PYROXD1: variants seen among roughly 807,000 people sequenced by gnomAD.
PYROXD1 encodes tRNA ligase complex-associated NAD(P)H dehydrogenase PYROXD1.
A neutral mutation model predicts 62.0 loss-of-function variants in PYROXD1; 42 were observed. The ratio of observed to expected loss-of-function variants is 0.68; its 90% CI spans 0.53 to 0.88. PYROXD1 has a LOEUF of 0.88. Ranked by LOEUF, PYROXD1 falls within the 40% of genes least tolerant of loss-of-function variation. The pLI is 0.00. For missense variants in PYROXD1, 493 were observed against 604.8 expected (o/e 0.82, Z 1.94); for synonymous variants, 170 against 206.4 (o/e 0.82, Z 1.51).
At chr12:21,463,373 A>T (rs947168804) in intron 10 of PYROXD1, among the ~76,000 whole-genome samples, 2 of 152,144 alleles carry the variant, frequency 1.3e-5, no homozygotes, top group Non-Finnish European at 2.9e-5. Flanking sequence ...TTATGATCCT[A>T]TTCTGTCCCT....
intron 2 of PYROXD1, 111 bp downstream of exon 2, chr12:21,440,559 G>A: frequency 1.6e-6 from 1 of 620,298 alleles, no homozygotes; most frequent in Non-Finnish European, 2.9e-6. Context: ...GACAAGTACA[G>A]TTATATGCTG....
At chr12:21,453,975 A>G (rs1942549782) in intron 5 of PYROXD1, among the ~76,000 whole-genome samples, 1 of 151,996 alleles carries the variant, frequency 6.6e-6, no homozygotes, top group Admixed American at 6.6e-5. Context: ...GTAATGCTAT[A>G]TGACCAGAGT....
chr12:21,468,344 G>A (rs1242120167), intron 11 of PYROXD1, among the ~76,000 whole-genome samples, 162 bp from the exon 12 acceptor site: 3 of 152,050 alleles, frequency 2.0e-5, no homozygotes, highest in Non-Finnish European at 4.4e-5. Context: ...ATTAACGCAT[G>A]CTGTTGAAAC....
intron 7 of PYROXD1, among the ~76,000 whole-genome samples, chr12:21,457,506 G>T (rs1455945845): frequency 2.0e-5 from 3 of 151,040 alleles, no homozygotes; most frequent in African/African-American, 7.3e-5. Flanking sequence ...GTAAACAGAT[G>T]TGCTGTGTAT....
chr12:21,468,514 G>T lies in PYROXD1; in HGVS notation c.1263G>T (p.Leu421=). The change falls in exon 12 of 12, where the codon CTG becomes CTT. Residue 421 remains leucine, a synonymous_variant. Coordinates refer to ENST00000240651, the MANE Select transcript of PYROXD1 (RefSeq NM_024854.5). ...TTTATCTCTAAATATAGGTTGTACT[G>T]CTGGGAAAATACAATGCACAGGGCT... ...VTKFFNYKVV[L]LGKYNAQGLG... is the part of the protein sequence containing the mutation. The T allele has an allele frequency of 6.2e-7, 1 of 1,611,670 alleles. No homozygotes were observed. Among genetic ancestry groups the T allele is most frequent in the Non-Finnish European group, 8.5e-7 (1 of 1,178,332 alleles).
intron 1 of PYROXD1, among the ~76,000 whole-genome samples, chr12:21,439,342 A>G (rs1242935809): frequency 6.6e-6 from 1 of 152,248 alleles, no homozygotes; most frequent in Non-Finnish European, 1.5e-5. Context: ...AGTAGTATAA[A>G]GAAGTTTTGA....
rs1190315058 is a variant in PYROXD1 at position 21,471,168 on chromosome 12, A to G, written c.*2414A>G. On this transcript the variant is annotated 3_prime_UTR_variant, in exon 12 of 12. Coordinates refer to ENST00000240651, the MANE Select transcript of PYROXD1 (RefSeq NM_024854.5). ...CACGGAAAACAAATTTATAAAAGAA[A>G]TAACTATATGCGCAGTAATTCTTAA... The G allele has an allele frequency of 1.4e-6, 2 of 1,399,228 alleles. No homozygotes were observed. The highest frequency in any genetic ancestry group is 1.5e-5 in the African/African-American group (1 of 67,288). 86.7% of individuals were successfully genotyped at this position (1,399,228 alleles called of 1,614,324 possible). A position where few individuals can be genotyped will look rare whatever the true frequency, so the allele number is the denominator to read the frequency against.
chr12:21,439,684 A>G (rs1356095578), intron 1 of PYROXD1, among the ~76,000 whole-genome samples: 9 of 152,204 alleles, frequency 5.9e-5, no homozygotes, highest in Admixed American at 5.9e-4. Flanking sequence ...TGGAGTAGGA[A>G]TAGAAGCCAG....
chr12:21,444,085 A>G (rs1942344192), intron 2 of PYROXD1, among the ~76,000 whole-genome samples: 1 of 152,136 alleles, frequency 6.6e-6, no homozygotes, highest in Non-Finnish European at 1.5e-5. Flanking sequence ...CCGGTTTTGT[A>G]AGTTATATAC....
chr12:21,452,191 T>C, intron 5 of PYROXD1, 37 bp downstream of exon 5: 5 of 1,248,988 alleles, frequency 4.0e-6, no homozygotes, highest in Non-Finnish European at 5.3e-6. Context: ...ACATTTAAAT[T>C]GTTTAAAAAT....
rs527305197 is a variant in PYROXD1 at position 21,469,350 on chromosome 12, T to C, written c.*596T>C. ...GCCCAACACAAATCTGTAAACTTTCTTAAAACATGAGATTTTTCTTGCAAT... is the reference window on the plus strand; with the variant it reads ...GCCCAACACAAATCTGTAAACTTTCCTAAAACATGAGATTTTTCTTGCAAT... On this transcript the variant is annotated 3_prime_UTR_variant, in exon 12 of 12. Coordinates refer to ENST00000240651, the MANE Select transcript of PYROXD1 (RefSeq NM_024854.5). 6.6e-6 allele frequency: 1 copy of C among 152,246 alleles called. No homozygotes were observed. The highest frequency in any genetic ancestry group is 6.6e-5 in the Admixed American group (1 of 15,244). 9.4% of individuals were successfully genotyped at this position (152,246 alleles called of 1,614,324 possible).
At chr12:21,452,397 A>G (rs924884816) in intron 5 of PYROXD1, among the ~76,000 whole-genome samples, 1 of 151,952 alleles carries the variant, frequency 6.6e-6, no homozygotes, top group African/African-American at 2.4e-5. Context: ...ATGTTTTGGG[A>G]ATGCTTTAGG....
In PYROXD1 at chr12:21,468,920, ATCAGT is replaced by A; in HGVS notation, c.*170_*174del. The A allele has an allele frequency of 1.5e-6, 1 of 660,254 alleles. No individual in the cohort carries two copies. The highest frequency in any genetic ancestry group is 3.1e-5 in the East Asian group (1 of 32,416). The allele number at this position is 660,254 out of a possible 1,614,324, so 40.9% of individuals were successfully genotyped here. A position where few individuals can be genotyped will look rare whatever the true frequency, so the allele number is the denominator to read the frequency against. The stretch of plus-strand genomic sequence containing the variant: ...TAAAAACATAAATTCTAAGTTTGAA[ATCAGT>A]TCAAAGTTTATTTATAGATATATCT... On this transcript the variant is annotated 3_prime_UTR_variant, in exon 12 of 12. Coordinates refer to ENST00000240651, the MANE Select transcript of PYROXD1 (RefSeq NM_024854.5).
rs2137309355 is a variant in PYROXD1 at position 21,470,659 on chromosome 12, A to G, written c.*1905A>G. 1 of 312,742 alleles carries G rather than the reference A, an allele frequency of 3.2e-6. No individual in the cohort carries two copies. The highest frequency in any genetic ancestry group is 8.1e-5 in the South Asian group (1 of 12,378). 19.4% of individuals were successfully genotyped at this position (312,742 alleles called of 1,614,324 possible). A position where few individuals can be genotyped will look rare whatever the true frequency, so the allele number is the denominator to read the frequency against. Reference sequence around the variant, plus strand: ...GTTTCTAACCACTGGAACAGCAGAAACAGACTTCTCAACTATTAGTAATCA... The same window carrying G: ...GTTTCTAACCACTGGAACAGCAGAAGCAGACTTCTCAACTATTAGTAATCA... On this transcript the variant is annotated 3_prime_UTR_variant, in exon 12 of 12. Transcript: ENST00000240651.
At chr12:21,454,573 AC>A (rs1942560429) in intron 5 of PYROXD1, among the ~76,000 whole-genome samples, 1 of 151,982 alleles carries the variant, frequency 6.6e-6, no homozygotes, top group South Asian at 2.1e-4. Context: ...GCTTATATAT[AC>A]CATTTTCATT....
rs367663905 is a variant in PYROXD1, at chr12:21,451,546, A to G, written c.415-535A>G. On this transcript the variant is annotated intron_variant, in intron 4 of 11. Coordinates refer to ENST00000240651, the MANE Select transcript of PYROXD1 (RefSeq NM_024854.5). ...AATCCTTACAGAAACATTAGGATATATAGTCCCTTATTTCCATTTATAGTT... is the reference window on the plus strand; with the variant it reads ...AATCCTTACAGAAACATTAGGATATGTAGTCCCTTATTTCCATTTATAGTT... Among the ~76,000 whole-genome samples, 46 of 152,214 alleles carry G rather than the reference A, an allele frequency of 3.0e-4. 1 individual carries two copies. The East Asian group carries it at 6.0e-3, about 20-fold the overall frequency.
At chr12:21,467,935 G>C (rs147482907) in intron 11 of PYROXD1, among the ~76,000 whole-genome samples, 1 of 150,718 alleles carries the variant, frequency 6.6e-6, no homozygotes, top group African/African-American at 2.4e-5. Context: ...ACTAACTGCT[G>C]TTGTACTCAA....
At chr12:21,445,214 A>T (rs1446870948) in intron 2 of PYROXD1, 133 bp from the exon 3 acceptor site, 1 of 944,532 alleles carries the variant, frequency 1.1e-6, no homozygotes, top group Non-Finnish European at 1.5e-6. Flanking sequence ...TCCACTCTAT[A>T]TAGTGCAGTT....
At chr12:21,456,607 A>T (rs908690936) in intron 7 of PYROXD1, among the ~76,000 whole-genome samples, 5 of 152,128 alleles carry the variant, frequency 3.3e-5, no homozygotes, top group African/African-American at 4.8e-5. Flanking sequence ...TTTGGTGGAA[A>T]GTTTTGCCTC....
Sources: gnomAD v4.1 joint callset for allele counts (sites outside exome capture counted in the v4.1 genomes callset) on GRCh38, gnomAD v4.1.1 for gene constraint, MANE v1.5 for transcripts, NCBI Gene and HGNC (gene_info 2026-07-23, HGNC 2026-07-21) for gene names.